Variants in CALN1 observed in about 807,000 individuals in gnomAD.
CALN1 encodes calneuron 1, also known as calcium-binding protein 8.
A neutral mutation model predicts 30.6 loss-of-function variants in CALN1; 17 were observed. The observed-to-expected ratio is 0.56, with a 90% CI of 0.38 to 0.83. The LOEUF is 0.83. Among genes scored for constraint, CALN1 ranks in the 40% least tolerant of loss-of-function variants. The probability of loss-of-function intolerance (pLI) is 0.00; values close to 1 mark genes in which losing one functional copy is unlikely to be tolerated. For synonymous variants in CALN1, 156 were observed against 131.4 expected (o/e 1.19, Z -1.28); for missense variants, 291 against 354.9 (o/e 0.82, Z 1.45).
the CALN1 span, among the ~76,000 whole-genome samples, chr7:72,464,858 TTTGTCCCAGAATGGGAC>T: frequency 0.039 from 5,905 of 152,268 alleles, 367 homozygotes; most frequent in African/African-American, 0.13. Context: ...ACCAGTGCCC[TTTGTCCCAGAATGGGAC>T]CCGACCCAAC....
intron 5 of CALN1, among the ~76,000 whole-genome samples, chr7:71,910,054 G>T (rs1794345634): frequency 9.1e-6 from 1 of 109,982 alleles, no homozygotes; most frequent in Admixed American, 8.7e-5. Flanking sequence ...AAAACCATCA[G>T]ATCTCAAGAG....
At chr7:72,447,390 C>T (rs556713290), upstream of CALN1, among the ~76,000 whole-genome samples, 37 of 152,242 alleles carry the variant, frequency 2.4e-4, no homozygotes, top group Admixed American at 1.7e-3. Context: ...TCTCGGGCTG[C>T]ATGGTTTGAA....
At chr7:72,391,038 CCA>C (rs1805546238) in intron 2 of CALN1, among the ~76,000 whole-genome samples, 2 of 152,146 alleles carry the variant, frequency 1.3e-5, no homozygotes, top group Non-Finnish European at 2.9e-5. Flanking sequence ...TTGAAATTCT[CCA>C]GTTACTCCCA....
Position 72,096,532 on chromosome 7 carries a change from C to A in CALN1, c.388+9619G>T, listed in dbSNP as rs115999929. On this transcript the variant is annotated intron_variant, in intron 4 of 6. Coordinates refer to ENST00000395275, the MANE Select transcript of CALN1 (RefSeq NM_031468.4). ...TTAAAGGATCAGGCTCATGGCCGGGCATGATGGCTCACACCTGTAATCCCA... is the reference window on the plus strand; with the variant it reads ...TTAAAGGATCAGGCTCATGGCCGGGAATGATGGCTCACACCTGTAATCCCA... Among the ~76,000 whole-genome samples the A allele has an allele frequency of 7.1e-4, 105 of 148,382 alleles. 1 individual carries two copies. Among genetic ancestry groups the A allele is most frequent in the African/African-American group, 2.6e-3 (102 of 39,756 alleles).
intron 3 of CALN1, among the ~76,000 whole-genome samples, chr7:72,219,297 C>T (rs926301322): frequency 1.1e-4 from 16 of 152,166 alleles, no homozygotes; most frequent in Admixed American, 7.9e-4. Context: ...ATGATCATAT[C>T]TCACTGTAAC....
At chr7:71,953,745 T>C (rs1796815663) in intron 5 of CALN1, among the ~76,000 whole-genome samples, 1 of 151,980 alleles carries the variant, frequency 6.6e-6, no homozygotes, top group Admixed American at 6.6e-5. Context: ...CAGCAGGACT[T>C]TGCAGAGACT....
intron 2 of CALN1, among the ~76,000 whole-genome samples, chr7:72,348,236 T>C (rs1802745034): frequency 1.3e-5 from 2 of 152,300 alleles, no homozygotes; most frequent in Admixed American, 1.3e-4. Flanking sequence ...AAATTAAGTG[T>C]TTTCTGTAAT....
chr7:72,311,366 C>T (rs887758605), intron 2 of CALN1, among the ~76,000 whole-genome samples: 2 of 152,068 alleles, frequency 1.3e-5, no homozygotes, highest in African/African-American at 4.8e-5. Flanking sequence ...CAACAATAGG[C>T]TATTAGTAGT....
At chr7:71,867,734 G>C (rs1258614780) in intron 5 of CALN1, among the ~76,000 whole-genome samples, 1 of 152,088 alleles carries the variant, frequency 6.6e-6, no homozygotes, top group Non-Finnish European at 1.5e-5. Flanking sequence ...TGCCCGGCTG[G>C]GGACTGCCTT....
intron 2 of CALN1, among the ~76,000 whole-genome samples, chr7:72,401,055 G>T (rs1314326946): frequency 6.6e-6 from 1 of 152,134 alleles, no homozygotes; most frequent in Non-Finnish European, 1.5e-5. Flanking sequence ...TGAGAGGAGG[G>T]CCCTGGTGCC....
chr7:72,158,540 G>A (rs770401424), intron 3 of CALN1, among the ~76,000 whole-genome samples: 9 of 152,190 alleles, frequency 5.9e-5, no homozygotes, highest in Non-Finnish European at 1.2e-4. Flanking sequence ...TTTAGCTACA[G>A]TGTGGAGAAG....
At chr7:72,409,917 G>A (rs1331172029) in intron 1 of CALN1, among the ~76,000 whole-genome samples, 1 of 152,116 alleles carries the variant, frequency 6.6e-6, no homozygotes, top group East Asian at 1.9e-4. Context: ...ATTATAATCA[G>A]TTTTTTCCCT....
At position 71,785,458 on chromosome 7, in the gene CALN1, C is replaced by G. The variant is rs1490037805; in HGVS notation, c.*2317G>C. On this transcript the variant is annotated 3_prime_UTR_variant, in exon 7 of 7. Coordinates refer to ENST00000395275, the MANE Select transcript of CALN1 (RefSeq NM_031468.4). ...GAAGAACTCGCAGAAAAGCCACCTT[C>G]AAAGAAGTACTCATTTTCTGCCCTG... The G allele has an allele frequency of 1.3e-5, 2 of 152,142 alleles. No homozygotes were observed. Among genetic ancestry groups the G allele is most frequent in the African/African-American group, 4.8e-5 (2 of 41,428 alleles). The allele number at this position is 152,142 out of a possible 1,614,324, so 9.4% of individuals were successfully genotyped here.
In CALN1 at chr7:71,786,303, A is replaced by T. The variant is rs1792978500; in HGVS notation, c.*1472T>A. The T allele has an allele frequency of 6.6e-6, 1 of 152,244 alleles. No homozygotes were observed. Among genetic ancestry groups the T allele is most frequent in the Non-Finnish European group, 1.5e-5 (1 of 68,056 alleles). The allele number at this position is 152,244 out of a possible 1,614,324, so 9.4% of individuals were successfully genotyped here. On this transcript the variant is annotated 3_prime_UTR_variant, in exon 7 of 7. Coordinates refer to ENST00000395275, the MANE Select transcript of CALN1 (RefSeq NM_031468.4). Reference sequence around the variant, plus strand: ...GGATGTAATCAAAAGAAGTAGGAGCAAGGTAATTCCATTACAAAATAAAGA... The same window carrying T: ...GGATGTAATCAAAAGAAGTAGGAGCTAGGTAATTCCATTACAAAATAAAGA...
At chr7:72,400,429 A>G (rs960326225) in intron 2 of CALN1, among the ~76,000 whole-genome samples, 1 of 152,198 alleles carries the variant, frequency 6.6e-6, no homozygotes, top group Non-Finnish European at 1.5e-5. Context: ...CAGATTTTCC[A>G]CATCCTTCTA....
At chr7:71,908,482 T>TA (rs1276975387) in intron 5 of CALN1, among the ~76,000 whole-genome samples, 1 of 152,102 alleles carries the variant, frequency 6.6e-6, no homozygotes, top group Non-Finnish European at 1.5e-5. Flanking sequence ...AGATCAAACC[T>TA]AAAGGTGACC....
chr7:71,843,321 A>C (rs974894993), intron 5 of CALN1, among the ~76,000 whole-genome samples: 1 of 152,166 alleles, frequency 6.6e-6, no homozygotes, highest in Non-Finnish European at 1.5e-5. Flanking sequence ...ATTGCAACTA[A>C]GAGTAAAAAA....
chr7:72,202,389 A>AT (rs1791503454), intron 3 of CALN1, among the ~76,000 whole-genome samples: 2 of 152,184 alleles, frequency 1.3e-5, no homozygotes, highest in South Asian at 4.1e-4. Context: ...CAACAAACTA[A>AT]TGAAAAAAAG....
At chr7:71,878,281 A>G (rs1792365348) in intron 5 of CALN1, among the ~76,000 whole-genome samples, 1 of 152,182 alleles carries the variant, frequency 6.6e-6, no homozygotes, top group South Asian at 2.1e-4. Context: ...GCATGCCTGT[A>G]ATCCCAGCTA....
Sources: allele counts gnomAD v4.1 joint callset (sites outside exome capture counted in the v4.1 genomes callset), GRCh38; gene constraint gnomAD v4.1.1; transcripts MANE v1.5; gene names NCBI Gene and HGNC (gene_info 2026-07-23, HGNC 2026-07-21).